The following CTC1 variants were observed in gnomAD, a reference collection of about 807,000 sequenced individuals.
The protein encoded by CTC1 is CST complex subunit CTC1.
A neutral mutation model predicts 136.3 loss-of-function variants in CTC1; 91 were observed. That is an observed-to-expected ratio of 0.67 (90% CI 0.56 to 0.79). The LOEUF (loss-of-function observed/expected upper bound fraction) is 0.79. CTC1 is among the 30% of genes least tolerant of loss of function. The pLI, the probability that CTC1 is intolerant of heterozygous loss-of-function variation, is 0.00. For synonymous variants in CTC1, 606 were observed against 613.8 expected, an observed-to-expected ratio of 0.99 and a Z score of 0.19; for missense variants, 1,432 against 1,498.1, an observed-to-expected ratio of 0.96 and a Z score of 0.73.
chr17:8,231,494 G>C (rs771279364), intron 14 of CTC1, 25 bp from the exon 15 acceptor site: 3 of 1,574,378 alleles, frequency 1.9e-6, no homozygotes, highest in Non-Finnish European at 2.6e-6. Flanking sequence ...GAAGACGACT[G>C]CCTGTGAGTG....
intron 15 of CTC1, chr17:8,230,901 C>T: frequency 5.7e-6 from 3 of 526,316 alleles, no homozygotes; most frequent in Middle Eastern, 5.1e-4. Context: ...CTTTGGGAGG[C>T]TGAGGTGGGA....
Position 8,226,337 on chromosome 17 carries a change from A to T in CTC1, c.*1843T>A, listed in dbSNP as rs1398694512. The T allele has an allele frequency of 2.0e-5, 3 of 152,200 alleles. No individual in the cohort carries two copies. Among genetic ancestry groups the T allele is most frequent in the African/African-American group, 7.2e-5 (3 of 41,454 alleles). 9.4% of individuals were successfully genotyped at this position (152,200 alleles called of 1,614,324 possible). ...GCTGCCATAAAGGTTCCTGAAATTC[A>T]TCTACAAGAATATAGAGCTAGGAAC... On this transcript the variant is annotated 3_prime_UTR_variant, in exon 23 of 23. Transcript: ENST00000651323.
In CTC1 at chr17:8,228,828, C is replaced by T. The variant is rs748072446; in HGVS notation, c.3286G>A (p.Ala1096Thr). The change falls in exon 21 of 23, where the codon GCA (alanine) becomes ACA (threonine). Residue 1096 changes from alanine to threonine, a missense_variant. By Grantham distance (58) the Ala-to-Thr change is moderately conservative (BLOSUM62 0). Coordinates refer to ENST00000651323, the MANE Select transcript of CTC1 (RefSeq NM_025099.6). ...CACTCTCTAGGACACAGCCCTAGTG[C>T]TGCTGCCACATGGTGATTCCTACAG... ...VTCRNHHVAA[A>T]LGLCPREWAS... 27 of 1,614,052 alleles carry T rather than the reference C, an allele frequency of 1.7e-5. 1 individual carries two copies. In the South Asian group the frequency reaches 2.6e-4, roughly 16 times the overall value.
chr17:8,232,446 A>C lies in CTC1; in HGVS notation c.1975T>G (p.Leu659Val). 6.2e-7 allele frequency: 1 copy of C among 1,614,092 alleles called. No individual in the cohort carries two copies. The highest frequency in any genetic ancestry group is 8.5e-7 in the Non-Finnish European group (1 of 1,179,980). Residue 659 changes from leucine to valine, a missense_variant, in exon 12 of 23, where the codon TTG (leucine) becomes GTG (valine). Leu to Val is a conservative substitution (Grantham distance 32). Coordinates refer to ENST00000651323, the MANE Select transcript of CTC1 (RefSeq NM_025099.6). Reference sequence around the variant, plus strand: ...CTTCTCACGTCCCTCTCTACGATCAACTGAAACCTCTCTGCCCGCACCAGG... The same window carrying C: ...CTTCTCACGTCCCTCTCTACGATCACCTGAAACCTCTCTGCCCGCACCAGG... Reference protein sequence around the residue: ...GCLVRAERFQLIVERDVRSSF... With the variant: ...GCLVRAERFQVIVERDVRSSF...
rs551437595 is a variant in CTC1, at chr17:8,228,489, G to A, written c.3514+14C>T. The A allele has an allele frequency of 3.5e-5, 57 of 1,613,640 alleles. No homozygotes were observed. Among genetic ancestry groups the A allele is most frequent in the Admixed American group, 5.0e-5 (3 of 59,952 alleles). On this transcript the variant is annotated intron_variant, in intron 22 of 22. Coordinates refer to ENST00000651323, the MANE Select transcript of CTC1 (RefSeq NM_025099.6). The stretch of plus-strand genomic sequence containing the variant: ...ATCCCCCTATCATCATGATCCCCCC[G>A]TCTCCAACCTTACCTAATGGGACGA...
rs758145388 is a variant in CTC1, at chr17:8,237,355, G to A, written c.792+20C>T. ...ACCACCCTCCCCCACTTCCATGGCT[G>A]AAATGACCCCAGTCCTCACCTGCAC... is the stretch of plus-strand genomic sequence containing the variant. On this transcript the variant is annotated intron_variant, in intron 5 of 22. Coordinates refer to ENST00000651323, the MANE Select transcript of CTC1 (RefSeq NM_025099.6). The A allele has an allele frequency of 1.2e-6, 2 of 1,613,430 alleles. No individual in the cohort carries two copies. The highest frequency in any genetic ancestry group is 1.7e-6 in the Non-Finnish European group (2 of 1,179,512).
Position 8,225,103 on chromosome 17 carries a change from C to T in CTC1, c.*3077G>A, listed in dbSNP as rs373282400. 1.3e-4 allele frequency: 20 copies of T among 152,380 alleles called. No homozygotes were observed. The highest frequency in any genetic ancestry group is 4.8e-4 in the African/African-American group (20 of 41,566). 9.4% of individuals were successfully genotyped at this position (152,380 alleles called of 1,614,324 possible). On this transcript the variant is annotated 3_prime_UTR_variant, in exon 23 of 23. Coordinates refer to ENST00000651323, the MANE Select transcript of CTC1 (RefSeq NM_025099.6). ...TGGAACTCCTGACCTCGTGATCCGCCCACCTTGGCCTCCCAAAGCGCTGGG... is the reference window on the plus strand; with the variant it reads ...TGGAACTCCTGACCTCGTGATCCGCTCACCTTGGCCTCCCAAAGCGCTGGG...
Position 8,237,424 on chromosome 17 carries a change from G to A in CTC1, c.743C>T (p.Ser248Phe). 2 of 1,614,010 alleles carry A rather than the reference G, an allele frequency of 1.2e-6. No individual in the cohort carries two copies. The highest frequency in any genetic ancestry group is 1.7e-6 in the Non-Finnish European group (2 of 1,180,006). Residue 248 changes from serine (S) to phenylalanine (F), a missense_variant, in exon 5 of 23, where the codon TCT becomes TTT. Ser to Phe is a radical substitution (Grantham distance 155). Transcript: ENST00000651323. ...KSKQKAYFIL[S>F]LGRSHPAVTH... ...GACAGCTGGGTGTGATCTACCAAGA[G>A]ACAGGATGAAGTAAGCTTTCTGTTT...
At chr17:8,233,997 CT>C (rs1023643065) in intron 10 of CTC1, among the ~76,000 whole-genome samples, 53 of 152,134 alleles carry the variant, frequency 3.5e-4, no homozygotes, top group African/African-American at 1.3e-3. Context: ...TTTAAACTTC[CT>C]TTTTTTTCCT....
chr17:8,233,165 C>A, intron 10 of CTC1, 133 bp from the exon 11 acceptor site: 1 of 968,570 alleles, frequency 1.0e-6, no homozygotes. Context: ...CTTCAAAAAA[C>A]TTATATTCAA....
chr17:8,232,821 C>T, intron 11 of CTC1, 85 bp downstream of exon 11: 2 of 1,541,552 alleles, frequency 1.3e-6, no homozygotes, highest in Non-Finnish European at 1.8e-6. Context: ...TCTAGTAAAT[C>T]CCAGCAGGCT....
chr17:8,237,144 A>G lies in CTC1; in HGVS notation c.792+231T>C, dbSNP rs548094903. On this transcript the variant is annotated intron_variant, in intron 5 of 22. Coordinates refer to ENST00000651323, the MANE Select transcript of CTC1 (RefSeq NM_025099.6). ...GAGCGTGGCAGTTTTTTAAAAGGTC[A>G]CATACAATCTAAAAGCTGTGTGCTC... Among the ~76,000 whole-genome samples, 6 of 151,914 alleles carry G rather than the reference A, an allele frequency of 3.9e-5. No homozygotes were observed. The South Asian group carries it at 8.3e-4, about 21-fold the overall frequency.
chr17:8,238,538 G>A lies in CTC1; in HGVS notation c.289C>T (p.Gln97Ter). 1.2e-6 allele frequency: 2 copies of A among 1,614,190 alleles called. No homozygotes were observed. Among genetic ancestry groups the A allele is most frequent in the Non-Finnish European group, 1.7e-6 (2 of 1,180,026 alleles). ...WSSSAYQAWAQEAGPNGNPLP... is the reference protein window; with the variant it reads ...WSSSAYQAWA ...GGGTTCCCATTTGGTCCAGCCTCTTGGGCCCAGGCCTGGTATGCACTACTG... is the reference window on the plus strand; with the variant it reads ...GGGTTCCCATTTGGTCCAGCCTCTTAGGCCCAGGCCTGGTATGCACTACTG... Residue 97 changes from glutamine (Q) to a stop codon, truncating the protein, a stop_gained, in exon 3 of 23, where the codon CAA (glutamine) becomes TAA (stop). Coordinates refer to ENST00000651323, the MANE Select transcript of CTC1 (RefSeq NM_025099.6). LOFTEE classifies it high-confidence loss of function.
In CTC1 at chr17:8,228,426, C is replaced by T. The variant is rs1597372408; in HGVS notation, c.3514+77G>A. On this transcript the variant is annotated intron_variant, in intron 22 of 22. Coordinates refer to ENST00000651323, the MANE Select transcript of CTC1 (RefSeq NM_025099.6). ...GAAATTCCCCATCAGTCCCTCATCC[C>T]TCTTCCTCCCAGGGACCCATCTATC... The T allele has an allele frequency of 2.5e-6, 4 of 1,610,930 alleles. No individual in the cohort carries two copies. In the East Asian group the frequency reaches 8.9e-5, roughly 36 times the overall value.
intron 22 of CTC1, 52 bp from the exon 23 acceptor site, chr17:8,228,371 T>A: frequency 6.2e-7 from 1 of 1,608,664 alleles, no homozygotes; most frequent in South Asian, 1.1e-5. Flanking sequence ...GGCTTTTAGT[T>A]CCCACCCACC....
At position 8,236,093 on chromosome 17, in the gene CTC1, T is replaced by C. The variant is rs779853392; in HGVS notation, c.1042A>G (p.Ser348Gly). Residue 348 changes from serine (S) to glycine (G), a missense_variant, in exon 6 of 23, where the codon AGT becomes GGT. Coordinates refer to ENST00000651323, the MANE Select transcript of CTC1 (RefSeq NM_025099.6). ...SNSEDKKDPE[S>G]LVRYSRLLSY... The stretch of plus-strand genomic sequence containing the variant: ...AGGAGTCTAGAATACCGGACAAGAC[T>C]TTCTGGATCCTTCTTGTCCTCCGAG... 3.7e-6 allele frequency: 6 copies of C among 1,614,182 alleles called. No homozygotes were observed. Among genetic ancestry groups the C allele is most frequent in the South Asian group, 2.2e-5 (2 of 91,084 alleles).
chr17:8,228,409 C>G lies in CTC1; in HGVS notation c.3515-90G>C, dbSNP rs575886824. The G allele has an allele frequency of 1.1e-3, 1,746 of 1,607,632 alleles. 4 individuals carry two copies. Among genetic ancestry groups the G allele is most frequent in the Middle Eastern group, 4.0e-3 (24 of 6,034 alleles). On this transcript the variant is annotated intron_variant, in intron 22 of 22. Coordinates refer to ENST00000651323, the MANE Select transcript of CTC1 (RefSeq NM_025099.6). ...TCTCCTCCCTAACTCCAGAAATTCC[C>G]CATCAGTCCCTCATCCCTCTTCCTC... is the stretch of plus-strand genomic sequence containing the variant.
Position 8,231,789 on chromosome 17 carries a change from T to C in CTC1, c.2412A>G (p.Ser804=). ...GGTGCAAGAACTCAAACCAGCGGAC[T>C]GAAGAGCCAAAGAAAATGAGGTGAA... is the stretch of plus-strand genomic sequence containing the variant. ...QKVHLIFFGS[S]VRWFEFLHPG... is the part of the protein sequence containing the mutation. The change falls in exon 14 of 23, where the codon TCA becomes TCG. Residue 804 remains serine, a synonymous_variant. Coordinates refer to ENST00000651323, the MANE Select transcript of CTC1 (RefSeq NM_025099.6). 6.2e-7 allele frequency: 1 copy of C among 1,614,176 alleles called. No individual in the cohort carries two copies. The highest frequency in any genetic ancestry group is 8.5e-7 in the Non-Finnish European group (1 of 1,180,024).
At chr17:8,232,553 C>T in intron 11 of CTC1, 78 bp from the exon 12 acceptor site, 1 of 1,177,046 alleles carries the variant, frequency 8.5e-7, no homozygotes. Context: ...TCCTACCGGC[C>T]TCACTACCCA....
Sources: allele counts gnomAD v4.1 joint callset (sites outside exome capture counted in the v4.1 genomes callset), GRCh38; gene constraint gnomAD v4.1.1; transcripts MANE v1.5; gene names NCBI Gene and HGNC (gene_info 2026-07-23, HGNC 2026-07-21).